Variants in SFI1 observed in about 807,000 individuals in gnomAD.
The protein encoded by SFI1 is protein SFI1 homolog.
SFI1 carries 195 observed loss-of-function variants against 207.5 expected under a neutral mutation model. That is an observed-to-expected ratio of 0.94 (90% CI 0.84 to 1.06). The LOEUF is 1.06. Among genes scored for constraint, SFI1 ranks in the 50% least tolerant of loss-of-function variants. SFI1 has a pLI of 0.00. For synonymous variants in SFI1, 630 were observed against 598.9 expected (o/e 1.05, Z -0.76); for missense variants, 1,634 against 1,588.0 (o/e 1.03, Z -0.49).
chr22:31,522,835 T>C (rs2057437036), intron 2 of SFI1, among the ~76,000 whole-genome samples: 2 of 152,136 alleles, frequency 1.3e-5, no homozygotes, highest in Admixed American at 1.3e-4. Context: ...TTTGTATTTT[T>C]AGTAGAGACG....
intron 7 of SFI1, among the ~76,000 whole-genome samples, chr22:31,559,011 TGGCCA>T (rs1357585078): frequency 6.6e-6 from 1 of 151,856 alleles, no homozygotes; most frequent in Non-Finnish European, 1.5e-5. Context: ...TTCACCACAT[TGGCCA>T]GGCTGGTCTT....
At chr22:31,593,265 C>T (rs2066430093) in intron 15 of SFI1, among the ~76,000 whole-genome samples, 2 of 147,032 alleles carry the variant, frequency 1.4e-5, no homozygotes, top group Admixed American at 6.7e-5. Flanking sequence ...CAGAGGGTCT[C>T]CTCACTTCTC....
At position 31,618,399 on chromosome 22, in the gene SFI1, T is replaced by C. The variant is rs750744787; in HGVS notation, c.3710T>C (p.Leu1237Pro). The C allele has an allele frequency of 6.3e-7, 1 of 1,596,506 alleles. No homozygotes were observed. The highest frequency in any genetic ancestry group is 1.1e-5 in the South Asian group (1 of 89,618). ...GCCTGCGTTGCCCGCATCCAGGCCC[T>C]GCGGCAGGCCCTGTGCTAGCGTGTT... Reference protein sequence around the residue: ...IGACVARIQALRQALC With the variant: ...IGACVARIQAPRQALC The change falls in exon 33 of 33, where the codon CTG becomes CCG. Residue 1237 changes from leucine (L) to proline (P), a missense_variant. Physicochemically the swap from Leu to Pro is moderately conservative, Grantham distance 98. Coordinates refer to ENST00000400288, the MANE Select transcript of SFI1 (RefSeq NM_001007467.3).
At chr22:31,580,112 C>A (rs1255818454) in intron 11 of SFI1, 160 bp from the exon 12 acceptor site, 2 of 590,718 alleles carry the variant, frequency 3.4e-6, no homozygotes, top group Non-Finnish European at 6.0e-6. Context: ...CCAGTTGAAT[C>A]TCAAAGCAGA....
At chr22:31,496,830 G>A (rs1781245866) in intron 1 of SFI1, among the ~76,000 whole-genome samples, 193 bp downstream of exon 1, 1 of 152,250 alleles carries the variant, frequency 6.6e-6, no homozygotes, top group African/African-American at 2.4e-5. Context: ...AGTGCGACAA[G>A]AGGGCGCAGG....
chr22:31,614,958 C>A, intron 28 of SFI1, 90 bp from the exon 29 acceptor site: 1 of 1,576,056 alleles, frequency 6.3e-7, no homozygotes, highest in Admixed American at 1.8e-5. Context: ...TTTGGCAGCC[C>A]TGGGGTGGGT....
intron 31 of SFI1, among the ~76,000 whole-genome samples, chr22:31,617,447 G>A (rs1038996137): frequency 3.9e-5 from 6 of 152,128 alleles, no homozygotes; most frequent in African/African-American, 1.2e-4. Context: ...AGGGCCAGGC[G>A]CAGTGACTCA....
At chr22:31,604,577 T>C in intron 19 of SFI1, 173 bp downstream of exon 19, 2 of 623,450 alleles carry the variant, frequency 3.2e-6, no homozygotes, top group Non-Finnish European at 5.4e-6. Context: ...TCTTTGATTC[T>C]TGCTTGGCCA....
rs202101631 is a variant in SFI1 at position 31,618,174 on chromosome 22, C to T, written c.3572C>T (p.Pro1191Leu). ...TGGCTGGAGCTGAACAGAGAGGAGC[C>T]GGGGCCTGAGGACCAGGAAGTAGAG... ...RRWLELNREE[P>L]GPEDQEVEQQ... Residue 1191 changes from proline to leucine, a missense_variant, in exon 32 of 33, where the codon CCG (proline) becomes CTG (leucine). Physicochemically the swap from Pro to Leu is moderately conservative, Grantham distance 98. Transcript: ENST00000400288. 1.4e-5 allele frequency: 23 copies of T among 1,594,846 alleles called. No homozygotes were observed. Among genetic ancestry groups the T allele is most frequent in the African/African-American group, 8.0e-5 (6 of 74,918 alleles).
At chr22:31,500,089 G>A (rs535496130) in intron 1 of SFI1, among the ~76,000 whole-genome samples, 1 of 150,802 alleles carries the variant, frequency 6.6e-6, no homozygotes, top group South Asian at 2.1e-4. Context: ...GGTGGCTGAG[G>A]TGGGCGATCA....
Position 31,561,277 on chromosome 22 carries a change from T to G in SFI1, c.663-13T>G, listed in dbSNP as rs766127715. On this transcript the variant is annotated splice_polypyrimidine_tract_variant and intron_variant, in intron 7 of 32. Transcript: ENST00000400288. ...TTACTGATGGATTCCATCTTTGATT[T>G]GCTGTTTCACAGGGTGTGGTGGAGC... is the stretch of plus-strand genomic sequence containing the variant. The G allele has an allele frequency of 1.2e-6, 2 of 1,611,884 alleles. No individual in the cohort carries two copies. The highest frequency in any genetic ancestry group is 1.7e-6 in the Non-Finnish European group (2 of 1,178,632).
chr22:31,498,806 A>G (rs935401573), intron 1 of SFI1, among the ~76,000 whole-genome samples: 2 of 151,774 alleles, frequency 1.3e-5, no homozygotes, highest in Non-Finnish European at 2.9e-5. Context: ...AATGTGACCA[A>G]TTGCTGCAAC....
At chr22:31,502,100 T>A (rs944587281) in intron 1 of SFI1, among the ~76,000 whole-genome samples, 3 of 152,240 alleles carry the variant, frequency 2.0e-5, no homozygotes, top group Non-Finnish European at 4.4e-5. Flanking sequence ...TACTTGTTCT[T>A]ATGAATCTTC....
chr22:31,583,944 T>C lies in SFI1; in HGVS notation c.1318T>C (p.Leu440=), dbSNP rs755596201. ...EQKKERELLP[L]LHAAWDHYRI... ...GAAAAAGGAAAGAGAGCTGCTCCCC[T>C]TACTGCATGCTGCCTGGGACCACTA... The change falls in exon 13 of 33, where the codon TTA becomes CTA. Residue 440 remains leucine, a synonymous_variant. Transcript: ENST00000400288. The C allele has an allele frequency of 3.1e-6, 5 of 1,614,030 alleles. No homozygotes were observed. The highest frequency in any genetic ancestry group is 2.5e-6 in the Non-Finnish European group (3 of 1,180,004).
At chr22:31,520,298 C>T (rs188097397) in intron 2 of SFI1, among the ~76,000 whole-genome samples, 13 of 152,076 alleles carry the variant, frequency 8.5e-5, no homozygotes, top group African/African-American at 2.7e-4. Context: ...TCTCACTTTT[C>T]TTCACGGTTT....
At chr22:31,615,330 A>G (rs2071235518) in intron 29 of SFI1, 51 bp downstream of exon 29, 4 of 1,392,836 alleles carry the variant, frequency 2.9e-6, no homozygotes, top group South Asian at 3.3e-5. Context: ...CTCTGGTCTG[A>G]CTTCTGGTGC....
intron 31 of SFI1, 132 bp downstream of exon 31, chr22:31,617,210 G>GCTCCCCACACCCCTCCAT: frequency 2.3e-6 from 2 of 876,652 alleles, no homozygotes; most frequent in Non-Finnish European, 3.5e-6. Context: ...GCCATGGAGG[G>GCTCCCCACACCCCTCCAT]GTGTGGGGAG....
At chr22:31,519,452 T>C (rs78806030) in intron 2 of SFI1, among the ~76,000 whole-genome samples, 1 of 151,310 alleles carries the variant, frequency 6.6e-6, no homozygotes, top group East Asian at 1.9e-4. Flanking sequence ...TTTTTTTTTT[T>C]CCGAGACACA....
chr22:31,575,978 C>T (rs1194235440), intron 10 of SFI1, among the ~76,000 whole-genome samples: 2 of 151,874 alleles, frequency 1.3e-5, no homozygotes, highest in African/African-American at 4.8e-5. Context: ...AGGTCATTGG[C>T]AGAGTCAAGA....
Sources: allele counts gnomAD v4.1 joint callset (sites outside exome capture counted in the v4.1 genomes callset), GRCh38; gene constraint gnomAD v4.1.1; transcripts MANE v1.5; gene names NCBI Gene and HGNC (gene_info 2026-07-23, HGNC 2026-07-21).